Variants in EPC2 observed in about 807,000 individuals in gnomAD.
EPC2 encodes enhancer of polycomb 2, also known as enhancer of polycomb homolog 2.
In EPC2, 14 loss-of-function variants were observed where a neutral mutation model predicts 92.1. The ratio of observed to expected loss-of-function variants is 0.15; its 90% CI spans 0.10 to 0.24. The LOEUF is 0.24. Ranked by LOEUF, EPC2 falls within the 10% of genes least tolerant of loss-of-function variation. EPC2 has a pLI of 1.00. For synonymous variants in EPC2, 340 were observed against 334.7 expected (o/e 1.02, Z -0.17); for missense variants, 755 against 971.5 (o/e 0.78, Z 2.96).
At chr2:148,648,221 T>A (rs188314563) in intron 1 of EPC2, among the ~76,000 whole-genome samples, 1 of 152,332 alleles carries the variant, frequency 6.6e-6, no homozygotes, top group East Asian at 1.9e-4. Flanking sequence ...GAGTGTCCAA[T>A]TGGAGTATTA....
At chr2:148,751,199 A>G (rs1490930261) in intron 3 of EPC2, among the ~76,000 whole-genome samples, 1 of 152,104 alleles carries the variant, frequency 6.6e-6, no homozygotes, top group African/African-American at 2.4e-5. Flanking sequence ...GCTTAACTCA[A>G]TGTTTTATAA....
intron 2 of EPC2, among the ~76,000 whole-genome samples, chr2:148,723,204 T>C (rs893008397): frequency 1.3e-5 from 2 of 152,246 alleles, no homozygotes; most frequent in Non-Finnish European, 2.9e-5. Context: ...GGTTATACTC[T>C]GATAAAATTG....
chr2:148,727,098 A>G (rs1682514897), intron 2 of EPC2, among the ~76,000 whole-genome samples: 1 of 152,104 alleles, frequency 6.6e-6, no homozygotes, highest in South Asian at 2.1e-4. Flanking sequence ...TTTGGGGTTG[A>G]TTTTTAAATA....
intron 1 of EPC2, among the ~76,000 whole-genome samples, chr2:148,656,402 A>G (rs1428090707): frequency 6.9e-6 from 1 of 144,254 alleles, no homozygotes; most frequent in African/African-American, 2.5e-5. Flanking sequence ...ATTAATTATT[A>G]AAAATGTGAC....
intron 1 of EPC2, among the ~76,000 whole-genome samples, chr2:148,653,304 A>G (rs1680721658): frequency 6.6e-6 from 1 of 152,232 alleles, no homozygotes; most frequent in Non-Finnish European, 1.5e-5. Context: ...GTTGAAGTAG[A>G]AAAACAGTAA....
chr2:148,736,936 CA>C (rs34800134), intron 2 of EPC2, among the ~76,000 whole-genome samples: 7,415 of 114,402 alleles, frequency 0.065, 224 homozygotes, highest in Non-Finnish European at 0.084. Flanking sequence ...CCCATTTCTA[CA>C]AAAAAAAAAA....
chr2:148,739,833 C>CTTCTT (rs1682845081), intron 2 of EPC2, among the ~76,000 whole-genome samples: 1 of 81,296 alleles, frequency 1.2e-5, no homozygotes, highest in Non-Finnish European at 2.2e-5. Flanking sequence ...TCTTCTTCTT[C>CTTCTT]TTTTTTTTTT....
At chr2:148,662,130 C>A (rs1055564375) in intron 1 of EPC2, among the ~76,000 whole-genome samples, 2 of 152,132 alleles carry the variant, frequency 1.3e-5, no homozygotes, top group Admixed American at 6.5e-5. Context: ...CCATCTGACA[C>A]CAGTTAGAAT....
At chr2:148,738,601 G>T (rs1682814094) in intron 2 of EPC2, among the ~76,000 whole-genome samples, 1 of 152,192 alleles carries the variant, frequency 6.6e-6, no homozygotes, top group African/African-American at 2.4e-5. Context: ...GAGGGTAAGT[G>T]ACATGAATTC....
chr2:148,657,775 G>T (rs1156335787), intron 1 of EPC2, among the ~76,000 whole-genome samples: 1 of 152,088 alleles, frequency 6.6e-6, no homozygotes, highest in Non-Finnish European at 1.5e-5. Context: ...TGGCGTGTGT[G>T]CCCATGATCC....
intron 5 of EPC2, 172 bp downstream of exon 5, chr2:148,762,102 T>TA: frequency 5.9e-6 from 3 of 505,970 alleles, no homozygotes; most frequent in Non-Finnish European, 9.7e-6. Context: ...TAGATTAAGT[T>TA]ATCAATTTGG....
chr2:148,666,157 A>C (rs1314640830), intron 1 of EPC2, among the ~76,000 whole-genome samples: 11 of 152,114 alleles, frequency 7.2e-5, no homozygotes, highest in Admixed American at 3.3e-4. Flanking sequence ...TATTTTTTTG[A>C]AACAGGGTCT....
intron 1 of EPC2, among the ~76,000 whole-genome samples, chr2:148,658,809 A>G (rs1375079981): frequency 2.0e-5 from 3 of 151,676 alleles, no homozygotes; most frequent in Non-Finnish European, 4.4e-5. Context: ...GATAAATGAT[A>G]TTAAACTATA....
intron 1 of EPC2, among the ~76,000 whole-genome samples, chr2:148,651,141 A>C (rs949233233): frequency 3.9e-5 from 6 of 152,202 alleles, no homozygotes; most frequent in African/African-American, 1.4e-4. Context: ...GAGGCGTAAC[A>C]ATTTGGGCTT....
rs1273231016 is a variant in EPC2, at chr2:148,645,068, G to T, written c.51G>T (p.Leu17=). ...GGGCGCTGGACGCCGCCAAGCCGCT[G>T]CCTATCTACCGCGGCAAGGACATGC... is the stretch of plus-strand genomic sequence containing the variant. The part of the protein sequence containing the change: ...RARALDAAKP[L]PIYRGKDMPD... Residue 17 remains leucine (L), a synonymous_variant, in exon 1 of 14, where the codon CTG becomes CTT. Coordinates refer to ENST00000258484, the MANE Select transcript of EPC2 (RefSeq NM_015630.4). 6.3e-7 allele frequency: 1 copy of T among 1,581,468 alleles called. No homozygotes were observed. The highest frequency in any genetic ancestry group is 8.6e-7 in the Non-Finnish European group (1 of 1,162,408).
rs370689800 is a variant in EPC2, at chr2:148,765,249, C to G, written c.1140+103C>G. The stretch of plus-strand genomic sequence containing the variant: ...TAGAGTTTTTATTCTTGCTTTGTTC[C>G]CCTAATGTATATAGCATAAACATTT... On this transcript the variant is annotated intron_variant, in intron 7 of 13. Transcript: ENST00000258484. The G allele has an allele frequency of 4.1e-5, 32 of 788,592 alleles. No individual in the cohort carries two copies. The East Asian group carries it at 6.8e-4, about 17-fold the overall frequency. 48.8% of individuals were successfully genotyped at this position (788,592 alleles called of 1,614,324 possible).
At chr2:148,753,483 C>T (rs1683117463) in intron 3 of EPC2, among the ~76,000 whole-genome samples, 2 of 152,124 alleles carry the variant, frequency 1.3e-5, no homozygotes, top group Admixed American at 1.3e-4. Flanking sequence ...AGAGAATATT[C>T]ATCTTTTATT....
intron 2 of EPC2, among the ~76,000 whole-genome samples, chr2:148,723,242 A>G (rs1280228510): frequency 1.3e-5 from 2 of 152,208 alleles, no homozygotes; most frequent in Non-Finnish European, 2.9e-5. Context: ...CATTGTTAAA[A>G]ACAGAATGCT....
chr2:148,718,975 A>T (rs1412636323), intron 2 of EPC2, among the ~76,000 whole-genome samples: 1 of 151,968 alleles, frequency 6.6e-6, no homozygotes, highest in Non-Finnish European at 1.5e-5. Flanking sequence ...TGCTTGTCTT[A>T]ATTCAGAAAG....
Sources: gnomAD v4.1 joint callset for allele counts (sites outside exome capture counted in the v4.1 genomes callset) on GRCh38, gnomAD v4.1.1 for gene constraint, MANE v1.5 for transcripts, NCBI Gene and HGNC (gene_info 2026-07-23, HGNC 2026-07-21) for gene names.